MYO1F: variants seen among roughly 807,000 people sequenced by gnomAD.
The protein encoded by MYO1F is myosin IF.
A neutral mutation model predicts 146.6 loss-of-function variants in MYO1F; 60 were observed. That is an observed-to-expected ratio of 0.41 (90% CI 0.33 to 0.51). MYO1F has a LOEUF of 0.51. Ranked by LOEUF, MYO1F falls within the 20% of genes least tolerant of loss-of-function variation. MYO1F has a pLI of 0.25. For synonymous variants in MYO1F, 602 were observed against 602.1 expected, an observed-to-expected ratio of 1.00 and a Z score of 0.00; for missense variants, 1,274 against 1,534.3, an observed-to-expected ratio of 0.83 and a Z score of 2.83.
intron 10 of MYO1F, 155 bp downstream of exon 10, chr19:8,550,005 G>T: frequency 1.2e-6 from 1 of 818,698 alleles, no homozygotes; most frequent in East Asian, 2.7e-5. Flanking sequence ...TTGCTATGTT[G>T]CCCAGGCTGG....
In MYO1F at chr19:8,544,353, G is replaced by A. The variant is rs1397793276; in HGVS notation, c.1468C>T (p.His490Tyr). Residue 490 changes from histidine to tyrosine, a missense_variant, in exon 14 of 28, where the codon CAC becomes TAC. By Grantham distance (83) the His-to-Tyr change is moderately conservative. Coordinates refer to ENST00000644032, the MANE Select transcript of MYO1F (RefSeq NM_012335.4). ...LQKLQAAVGT[H>Y]EHFNSWSAGF... ...GCGCTCCAGCTGTTGAAATGCTCGTGGGTCCCCACAGCCGCCTGCAGCTTC... is the reference window on the plus strand; with the variant it reads ...GCGCTCCAGCTGTTGAAATGCTCGTAGGTCCCCACAGCCGCCTGCAGCTTC... 2 of 1,613,134 alleles carry A rather than the reference G, an allele frequency of 1.2e-6. No individual in the cohort carries two copies. Among genetic ancestry groups the A allele is most frequent in the African/African-American group, 1.3e-5 (1 of 74,972 alleles).
chr19:8,559,898 C>T (rs1600024831), intron 1 of MYO1F, among the ~76,000 whole-genome samples: 1 of 149,324 alleles, frequency 6.7e-6, no homozygotes, highest in East Asian at 2.0e-4. Flanking sequence ...TGCGGTGAGC[C>T]CAGATTGTGC....
chr19:8,545,497 G>A, intron 13 of MYO1F, 153 bp downstream of exon 13: 1 of 739,040 alleles, frequency 1.4e-6, no homozygotes, highest in Non-Finnish European at 2.5e-6. Flanking sequence ...GGGCGGAAGG[G>A]ACATTTTGGT....
intron 1 of MYO1F, among the ~76,000 whole-genome samples, chr19:8,574,595 C>CTCTCTTTCTT (rs1555733066): frequency 2.8e-4 from 30 of 105,868 alleles, no homozygotes; most frequent in South Asian, 6.1e-4. Context: ...CTCTCTCTCT[C>CTCTCTTTCTT]TCTTTCTTTC....
At chr19:8,528,119 G>A (rs1235708945) in intron 21 of MYO1F, among the ~76,000 whole-genome samples, 2 of 152,184 alleles carry the variant, frequency 1.3e-5, no homozygotes, top group Admixed American at 6.6e-5. Flanking sequence ...CTACTCAGGA[G>A]GCTGAGACAG....
chr19:8,561,905 T>G (rs1029616339), intron 1 of MYO1F, among the ~76,000 whole-genome samples: 8 of 151,886 alleles, frequency 5.3e-5, no homozygotes, highest in Non-Finnish European at 7.4e-5. Flanking sequence ...TTAGTAGAGA[T>G]AAGGTTTCAC....
At chr19:8,523,035 CTTTT>C (rs34428318) in intron 25 of MYO1F, among the ~76,000 whole-genome samples, 1 of 142,864 alleles carries the variant, frequency 7.0e-6, no homozygotes, top group Non-Finnish European at 1.5e-5. Context: ...TTATTTTTTA[CTTTT>C]TTTTTTTTTT....
chr19:8,557,450 C>T (rs1262474109), intron 1 of MYO1F, among the ~76,000 whole-genome samples: 1 of 152,118 alleles, frequency 6.6e-6, no homozygotes, highest in Non-Finnish European at 1.5e-5. Flanking sequence ...TACAGACGTG[C>T]ACCACCATGC....
chr19:8,530,928 C>T lies in MYO1F; in HGVS notation c.2044-355G>A, dbSNP rs1392111709. 1.3e-5 allele frequency among the ~76,000 whole-genome samples: 2 copies of T among 152,230 alleles called. No individual in the cohort carries two copies. The highest frequency in any genetic ancestry group is 1.9e-4 in the East Asian group (1 of 5,176). On this transcript the variant is annotated intron_variant, in intron 19 of 27. Coordinates refer to ENST00000644032, the MANE Select transcript of MYO1F (RefSeq NM_012335.4). This position sits in a 1 kb window ranked among gnomAD's most constrained non-coding sequence, Gnocchi z 5.8. The stretch of plus-strand genomic sequence containing the variant: ...GCATGGTGGTAGATGCCTGTGATCC[C>T]AGCTACTCGGGAGCCTGAGGCAGGA...
Position 8,530,496 on chromosome 19 carries a change from G to A in MYO1F, c.2121C>T (p.His707=), listed in dbSNP as rs1348262865. The change falls in exon 20 of 28, where the codon CAC becomes CAT. Residue 707 remains histidine, a synonymous_variant. Coordinates refer to ENST00000644032, the MANE Select transcript of MYO1F (RefSeq NM_012335.4). The surrounding 1 kb of genome is among the most constrained non-coding windows in gnomAD (Gnocchi z 5.8). ...TCTCCTCGTACTTCCGGACAGCCACGTGGCGCCGCCAGGCCTTCTGGATGG... is the reference window on the plus strand; with the variant it reads ...TCTCCTCGTACTTCCGGACAGCCACATGGCGCCGCCAGGCCTTCTGGATGG... ...ARTIQKAWRR[H]VAVRKYEEMR... 5 of 1,613,622 alleles carry A rather than the reference G, an allele frequency of 3.1e-6. No individual in the cohort carries two copies. The highest frequency in any genetic ancestry group is 2.2e-5 in the East Asian group (1 of 44,886).
At chr19:8,540,195 T>C (rs1972902024) in intron 15 of MYO1F, 167 bp from the exon 16 acceptor site, 1 of 574,464 alleles carries the variant, frequency 1.7e-6, no homozygotes, top group Non-Finnish European at 3.1e-6. Flanking sequence ...TGGTTTGTTT[T>C]TTGAGGCAGG....
intron 1 of MYO1F, among the ~76,000 whole-genome samples, chr19:8,575,073 T>C (rs1196366711): frequency 6.7e-6 from 1 of 150,256 alleles, no homozygotes; most frequent in Non-Finnish European, 1.5e-5. Context: ...TTAGATTTTC[T>C]TTTTCTTTTT....
chr19:8,532,944 AC>A (rs1337917330), intron 19 of MYO1F, among the ~76,000 whole-genome samples: 17 of 147,418 alleles, frequency 1.2e-4, no homozygotes, highest in South Asian at 6.6e-4. Context: ...ACACACACAC[AC>A]ACACAATTGG....
intron 6 of MYO1F, 68 bp downstream of exon 6, chr19:8,553,071 G>T (rs919074015): frequency 7.1e-7 from 1 of 1,408,090 alleles, no homozygotes; most frequent in Non-Finnish European, 1.0e-6. Flanking sequence ...GTGTGTATGT[G>T]TGGGTGTGTG....
intron 1 of MYO1F, among the ~76,000 whole-genome samples, chr19:8,556,351 A>T (rs1483821868): frequency 2.7e-5 from 4 of 147,982 alleles, no homozygotes; most frequent in Non-Finnish European, 6.0e-5. Context: ...TAATTAAAAA[A>T]TTTTTTAATG....
rs1358980400 is a variant in MYO1F, at chr19:8,524,334, T to C, written c.2854+1145A>G. The stretch of plus-strand genomic sequence containing the variant: ...GGGAGGCTGAGGCAGGAGAATCTCT[T>C]GAACCCAGAAGGTGGAAAGTTGCAG... On this transcript the variant is annotated intron_variant, in intron 25 of 27. Coordinates refer to ENST00000644032, the MANE Select transcript of MYO1F (RefSeq NM_012335.4). Among the ~76,000 whole-genome samples, 7 of 148,410 alleles carry C rather than the reference T, an allele frequency of 4.7e-5. No homozygotes were observed. In the East Asian group the frequency reaches 1.2e-3, roughly 25 times the overall value.
rs1266540532 is a variant in MYO1F at position 8,530,048 on chromosome 19, G to T, written c.2328+148C>A. 3 of 1,069,230 alleles carry T rather than the reference G, an allele frequency of 2.8e-6. No individual in the cohort carries two copies. Among genetic ancestry groups the T allele is most frequent in the African/African-American group, 3.1e-5 (2 of 64,480 alleles). The allele number at this position is 1,069,230 out of a possible 1,614,324, so 66.2% of individuals were successfully genotyped here. Reference sequence around the variant, plus strand: ...CTGGGGGATCTATGCCTGTGGGCAGGTGCATATGGGCCAGGTGAGGGTGTA... The same window carrying T: ...CTGGGGGATCTATGCCTGTGGGCAGTTGCATATGGGCCAGGTGAGGGTGTA... On this transcript the variant is annotated intron_variant, in intron 21 of 27. Coordinates refer to ENST00000644032, the MANE Select transcript of MYO1F (RefSeq NM_012335.4). This position sits in a 1 kb window ranked among gnomAD's most constrained non-coding sequence, Gnocchi z 5.8.
At chr19:8,572,640 G>C (rs2042132060) in intron 1 of MYO1F, among the ~76,000 whole-genome samples, 1 of 152,030 alleles carries the variant, frequency 6.6e-6, no homozygotes, top group Non-Finnish European at 1.5e-5. Flanking sequence ...CCATCCTCAT[G>C]GCCACTGATT....
At chr19:8,566,483 A>T (rs1035888095) in intron 1 of MYO1F, among the ~76,000 whole-genome samples, 1 of 141,738 alleles carries the variant, frequency 7.1e-6, no homozygotes, top group African/African-American at 2.6e-5. Flanking sequence ...ATGCTTTTTA[A>T]AAAAAATTTT....
Sources: gnomAD v4.1 joint callset for allele counts (sites outside exome capture counted in the v4.1 genomes callset) on GRCh38, gnomAD v4.1.1 for gene constraint, Gnocchi (gnomAD v3.1) non-coding constraint, MANE v1.5 for transcripts, NCBI Gene and HGNC (gene_info 2026-07-23, HGNC 2026-07-21) for gene names.